The following SOX6 variants were observed in gnomAD, a reference collection of about 807,000 sequenced individuals.
SOX6 encodes the protein SRY-box transcription factor 6.
A neutral mutation model predicts 97.8 loss-of-function variants in SOX6; 11 were observed. That is an observed-to-expected ratio of 0.11 (90% CI 0.07 to 0.19). The LOEUF (loss-of-function observed/expected upper bound fraction) is 0.19, where lower values mean the gene tolerates loss of function less well. Ranked by LOEUF, SOX6 falls within the 10% of genes least tolerant of loss-of-function variation. SOX6 has a pLI of 1.00. For missense variants in SOX6, 810 were observed against 1,039.5 expected, an observed-to-expected ratio of 0.78 and a Z score of 3.04; for synonymous variants, 360 against 371.4, an observed-to-expected ratio of 0.97 and a Z score of 0.35.
rs368646877 is a variant in SOX6 at position 16,719,465 on chromosome 11, T to C, written n.354-4560A>G. ...ACTCCCCTGAAAGAAAACCCAGTTA[T>C]CAGTTTTGCCTGCTTCCAAGTCTTT... On this transcript the variant is annotated intron_variant and non_coding_transcript_variant, in intron 2 of 5. Coordinates refer to the SOX6 transcript ENST00000524520. Among the ~76,000 whole-genome samples the C allele has an allele frequency of 5.9e-5, 9 of 152,236 alleles. No individual in the cohort carries two copies. The East Asian group carries it at 7.7e-4, about 13-fold the overall frequency.
At chr11:16,421,170 A>G (rs765048929) in intron 1 of SOX6, among the ~76,000 whole-genome samples, 1 of 152,192 alleles carries the variant, frequency 6.6e-6, no homozygotes, top group Non-Finnish European at 1.5e-5. Flanking sequence ...GTACATATTT[A>G]TAAGTACACC....
Position 15,972,830 on chromosome 11 carries a change from C to A in SOX6, c.2466G>T (p.Pro822=). The A allele has an allele frequency of 6.2e-7, 1 of 1,614,162 alleles. No homozygotes were observed. The highest frequency in any genetic ancestry group is 8.5e-7 in the Non-Finnish European group (1 of 1,180,018). The change falls in exon 16 of 16, where the codon CCG becomes CCT. Residue 822 remains proline, a synonymous_variant. Coordinates refer to ENST00000683767, the MANE Select transcript of SOX6 (RefSeq NM_001367873.1). ...CTCCTCAGTTGGCACTGACAGCCTC[C>A]GGGGCTTCATTTTCACTGCTATAGT... ...KSDYSSENEA[P]EAVSAN
At chr11:16,663,110 T>G (rs1488203289) in intron 3 of SOX6, among the ~76,000 whole-genome samples, 1 of 150,964 alleles carries the variant, frequency 6.6e-6, no homozygotes, top group Non-Finnish European at 1.5e-5. Context: ...ATAAAAGGTA[T>G]GTATGGCAGG....
chr11:16,330,182 G>A (rs1856242697), intron 2 of SOX6, among the ~76,000 whole-genome samples: 1 of 152,192 alleles, frequency 6.6e-6, no homozygotes, highest in Non-Finnish European at 1.5e-5. Context: ...ATGTTTTAAA[G>A]ATTTCATGCC....
At chr11:15,992,209 A>G (rs1184449229) in intron 13 of SOX6, among the ~76,000 whole-genome samples, 2 of 152,232 alleles carry the variant, frequency 1.3e-5, no homozygotes, top group Admixed American at 1.3e-4. Context: ...GGAGTGAACT[A>G]GAAATGAATG....
intron 4 of SOX6, among the ~76,000 whole-genome samples, chr11:16,488,795 T>A (rs1156855301): frequency 6.6e-6 from 1 of 152,160 alleles, no homozygotes; most frequent in Non-Finnish European, 1.5e-5. Flanking sequence ...ATCTTCTTCA[T>A]AACAATTTGA....
At chr11:16,409,463 T>C (rs1858753277) in intron 1 of SOX6, among the ~76,000 whole-genome samples, 1 of 152,164 alleles carries the variant, frequency 6.6e-6, no homozygotes, top group Admixed American at 6.6e-5. Flanking sequence ...CTAAGATATA[T>C]ATGACTCTGA....
chr11:16,509,681 T>G (rs907979251), intron 4 of SOX6, among the ~76,000 whole-genome samples: 1 of 151,928 alleles, frequency 6.6e-6, no homozygotes, highest in Non-Finnish European at 1.5e-5. Flanking sequence ...ATATACTCCC[T>G]TTTTAAATTT....
rs1024516196 is a variant in SOX6 at position 16,537,556 on chromosome 11, G to A, written n.610-61168C>T. Among the ~76,000 whole-genome samples, 17 of 152,188 alleles carry A rather than the reference G, an allele frequency of 1.1e-4. No individual in the cohort carries two copies. The South Asian group carries it at 3.1e-3, about 28-fold the overall frequency. On this transcript the variant is annotated intron_variant and non_coding_transcript_variant, in intron 4 of 5. Transcript: ENST00000524520. ...CTAAAGGAGCATGTTCTAACCCATCGCAAGGAAGCTAAAAACCTTGAAAAA... is the reference window on the plus strand; with the variant it reads ...CTAAAGGAGCATGTTCTAACCCATCACAAGGAAGCTAAAAACCTTGAAAAA...
chr11:16,523,588 C>A (rs1861106527), intron 4 of SOX6, among the ~76,000 whole-genome samples: 1 of 151,856 alleles, frequency 6.6e-6, no homozygotes. Flanking sequence ...AAAGCAAGAG[C>A]AAACACATTC....
chr11:16,130,528 T>C lies in SOX6; in HGVS notation c.778-18605A>G, dbSNP rs189350360. Among the ~76,000 whole-genome samples, 166 of 152,052 alleles carry C rather than the reference T, an allele frequency of 1.1e-3. 2 individuals are homozygous for C. Among genetic ancestry groups the C allele is most frequent in the Non-Finnish European group, 1.6e-3 (110 of 67,858 alleles). On this transcript the variant is annotated intron_variant, in intron 6 of 15. Coordinates refer to ENST00000683767, the MANE Select transcript of SOX6 (RefSeq NM_001367873.1). ...CTAAAATAAATGGAGACATACAACA[T>C]TCATGGAATGAAAGACTCAATAGTG...
chr11:16,594,652 T>G (rs1160017200), intron 4 of SOX6, among the ~76,000 whole-genome samples: 1 of 151,520 alleles, frequency 6.6e-6, no homozygotes, highest in Non-Finnish European at 1.5e-5. Context: ...GCTGCTATAT[T>G]CTTTCAATTT....
intron 3 of SOX6, among the ~76,000 whole-genome samples, chr11:16,614,070 T>C (rs1306657776): frequency 1.3e-5 from 2 of 152,100 alleles, no homozygotes; most frequent in African/African-American, 2.4e-5. Flanking sequence ...AGGCGAACTC[T>C]CCCAGCAAAG....
chr11:16,025,386 T>C (rs1380305013), intron 12 of SOX6, among the ~76,000 whole-genome samples: 1 of 152,150 alleles, frequency 6.6e-6, no homozygotes, highest in African/African-American at 2.4e-5. Context: ...GAACACATGG[T>C]TTAAAAAGTG....
At chr11:16,029,390 C>T (rs1428583937) in intron 12 of SOX6, among the ~76,000 whole-genome samples, 4 of 151,918 alleles carry the variant, frequency 2.6e-5, no homozygotes, top group Non-Finnish European at 5.9e-5. Context: ...GTAATTCCAG[C>T]ACTTTGGGAG....
At chr11:15,991,017 C>G (rs76406195) in intron 13 of SOX6, among the ~76,000 whole-genome samples, 1 of 151,992 alleles carries the variant, frequency 6.6e-6, no homozygotes, top group East Asian at 1.9e-4. Flanking sequence ...AAACAAAAGA[C>G]AGTATAAAAG....
intron 1 of SOX6, among the ~76,000 whole-genome samples, chr11:16,460,058 A>T (rs1401651069): frequency 1.3e-5 from 2 of 151,992 alleles, no homozygotes; most frequent in Non-Finnish European, 2.9e-5. Flanking sequence ...GGGGGGAAAA[A>T]AGCAGCCAGA....
intron 3 of SOX6, among the ~76,000 whole-genome samples, chr11:16,260,295 C>T (rs1050501455): frequency 1.3e-5 from 2 of 152,130 alleles, no homozygotes; most frequent in South Asian, 2.1e-4. Flanking sequence ...CCACTGTGCC[C>T]GGGCCAATGT....
intron 6 of SOX6, among the ~76,000 whole-genome samples, chr11:16,139,175 G>C (rs1182789380): frequency 6.6e-6 from 1 of 152,040 alleles, no homozygotes; most frequent in African/African-American, 2.4e-5. Context: ...GTATCTACCA[G>C]GTTTTTTCCA....
Sources: gnomAD v4.1 joint callset for allele counts (sites outside exome capture counted in the v4.1 genomes callset) on GRCh38, gnomAD v4.1.1 for gene constraint, MANE v1.5 for transcripts, NCBI Gene and HGNC (gene_info 2026-07-23, HGNC 2026-07-21) for gene names.